Variants in DIAPH3 observed in about 807,000 individuals in gnomAD.
The protein encoded by DIAPH3 is diaphanous related formin 3.
A neutral mutation model predicts 144.3 loss-of-function variants in DIAPH3; 117 were observed. That is an observed-to-expected ratio of 0.81 (90% confidence interval 0.70 to 0.95). The LOEUF (loss-of-function observed/expected upper bound fraction) is 0.95, where lower values mean the gene tolerates loss of function less well. Among genes scored for constraint, DIAPH3 ranks in the 40% least tolerant of loss-of-function variants. The pLI, the probability that DIAPH3 is intolerant of heterozygous loss-of-function variation, is 0.00. For synonymous variants in DIAPH3, 519 were observed against 488.9 expected (o/e 1.06, Z -0.81); for missense variants, 1,421 against 1,412.7 (o/e 1.01, Z -0.09).
At chr13:59,880,995 A>AAAAAG (rs2044993852) in intron 20 of DIAPH3, among the ~76,000 whole-genome samples, 3 of 150,610 alleles carry the variant, frequency 2.0e-5, no homozygotes, top group Admixed American at 2.0e-4. Context: ...AAAAAAAAAA[A>AAAAAG]AAGAAGAAGA....
chr13:60,092,184 A>G (rs1395421364), intron 4 of DIAPH3, among the ~76,000 whole-genome samples: 2 of 152,090 alleles, frequency 1.3e-5, no homozygotes, highest in African/African-American at 4.8e-5. Context: ...ATTGAGAATC[A>G]AAGAGGTAAA....
In DIAPH3 at chr13:60,083,992, TGATAGATAGATAGACA is replaced by T. The variant is rs758915044; in HGVS notation, c.495+9620_495+9635del. On this transcript the variant is annotated intron_variant, in intron 4 of 27. Coordinates refer to ENST00000400324, the MANE Select transcript of DIAPH3 (RefSeq NM_001042517.2). ...TATAGTCTGAGGATGCACTTTTGAG[TGATAGATAGATAGACA>T]GATAGATAGATAGATAGATAGATAG... is the stretch of plus-strand genomic sequence containing the variant. Among the ~76,000 whole-genome samples the T allele has an allele frequency of 1.8e-3, 265 of 143,590 alleles. 1 individual carries two copies. Among genetic ancestry groups the T allele is most frequent in the African/African-American group, 5.8e-3 (222 of 38,422 alleles). The allele number at this position is 143,590 out of a possible 152,430, so 94.2% of individuals were successfully genotyped here.
intron 4 of DIAPH3, among the ~76,000 whole-genome samples, chr13:60,062,587 A>T (rs564690288): frequency 6.6e-6 from 1 of 152,212 alleles, no homozygotes; most frequent in Non-Finnish European, 1.5e-5. Context: ...AGAAAAGGTG[A>T]ACATGTCAGA....
At chr13:59,788,782 G>A (rs574356665) in intron 25 of DIAPH3, among the ~76,000 whole-genome samples, 1 of 152,264 alleles carries the variant, frequency 6.6e-6, no homozygotes, top group South Asian at 2.1e-4. Flanking sequence ...GACATCGAAT[G>A]AAGACCTTTC....
At chr13:59,751,539 A>T (rs1339139138) in intron 27 of DIAPH3, among the ~76,000 whole-genome samples, 1 of 152,202 alleles carries the variant, frequency 6.6e-6, no homozygotes, top group African/African-American at 2.4e-5. Context: ...TTTTTTCTTC[A>T]ATCAACTGCT....
At chr13:59,805,710 G>A (rs1004985449) in intron 25 of DIAPH3, among the ~76,000 whole-genome samples, 4 of 151,752 alleles carry the variant, frequency 2.6e-5, no homozygotes, top group Non-Finnish European at 5.9e-5. Flanking sequence ...AAACAAAAAC[G>A]AAAAACATCA....
intron 12 of DIAPH3, among the ~76,000 whole-genome samples, chr13:59,984,671 C>A (rs2051273573): frequency 6.8e-6 from 1 of 146,322 alleles, no homozygotes; most frequent in Non-Finnish European, 1.5e-5. Flanking sequence ...ATACAAACTA[C>A]CATCAGAGAA....
intron 3 of DIAPH3, among the ~76,000 whole-genome samples, chr13:60,099,693 G>GC (rs1416595046): frequency 6.6e-6 from 1 of 151,894 alleles, no homozygotes; most frequent in African/African-American, 2.4e-5. Context: ...AGTTGCAACA[G>GC]CAAAAAAAAT....
intron 27 of DIAPH3, among the ~76,000 whole-genome samples, chr13:59,753,253 C>T (rs184549072): frequency 2.7e-4 from 41 of 152,226 alleles, no homozygotes; most frequent in African/African-American, 8.9e-4. Context: ...GAAAACTTTT[C>T]AAGAAATTCG....
intron 4 of DIAPH3, among the ~76,000 whole-genome samples, chr13:60,071,609 A>G (rs1255809386): frequency 2.6e-5 from 4 of 152,134 alleles, no homozygotes; most frequent in Non-Finnish European, 4.4e-5. Flanking sequence ...TTCCAAACCT[A>G]TGAGCCCTTC....
intron 27 of DIAPH3, among the ~76,000 whole-genome samples, chr13:59,758,931 C>T (rs992883754): frequency 6.6e-6 from 1 of 151,322 alleles, no homozygotes; most frequent in African/African-American, 2.4e-5. Flanking sequence ...GGGCGCACAC[C>T]ACCAGAACTG....
chr13:60,127,117 AAC>A (rs1023174237), intron 2 of DIAPH3, among the ~76,000 whole-genome samples: 2 of 152,134 alleles, frequency 1.3e-5, no homozygotes, highest in African/African-American at 4.8e-5. Context: ...CACAGAGAAA[AAC>A]ACAGAAAACA....
At chr13:59,822,926 T>G (rs1342942926) in intron 24 of DIAPH3, among the ~76,000 whole-genome samples, 1 of 152,174 alleles carries the variant, frequency 6.6e-6, no homozygotes, top group Non-Finnish European at 1.5e-5. Flanking sequence ...TGTGGTATTC[T>G]AGGTTGTCAC....
intron 24 of DIAPH3, among the ~76,000 whole-genome samples, chr13:59,823,852 G>A (rs1392907394): frequency 2.6e-5 from 4 of 152,048 alleles, no homozygotes; most frequent in African/African-American, 9.7e-5. Context: ...CCCTCTGACT[G>A]GATGATTTCA....
At chr13:59,996,662 G>A (rs1248832670) in intron 9 of DIAPH3, among the ~76,000 whole-genome samples, 2 of 151,982 alleles carry the variant, frequency 1.3e-5, no homozygotes, top group Non-Finnish European at 2.9e-5. Context: ...CATAAAGTAG[G>A]AAGGTAAAGA....
At chr13:59,686,300 A>T (rs770191176) in intron 27 of DIAPH3, among the ~76,000 whole-genome samples, 1 of 152,078 alleles carries the variant, frequency 6.6e-6, no homozygotes. Flanking sequence ...CTAAGCTGTA[A>T]ATTTGCCAGT....
intron 27 of DIAPH3, among the ~76,000 whole-genome samples, chr13:59,681,634 C>T (rs934475509): frequency 6.6e-6 from 1 of 151,526 alleles, no homozygotes; most frequent in Admixed American, 6.6e-5. Flanking sequence ...CTATATTTTA[C>T]AAGACTCATT....
intron 27 of DIAPH3, among the ~76,000 whole-genome samples, chr13:59,740,331 G>T (rs938085275): frequency 2.6e-5 from 4 of 152,168 alleles, no homozygotes; most frequent in Admixed American, 6.5e-5. Flanking sequence ...GTACACTAAT[G>T]ATTTCATCTC....
chr13:59,958,714 A>G (rs974713042), intron 17 of DIAPH3, among the ~76,000 whole-genome samples: 5 of 151,982 alleles, frequency 3.3e-5, no homozygotes, highest in Admixed American at 1.3e-4. Flanking sequence ...TTAATTAAAT[A>G]TAATATTTTG....
Sources: allele counts gnomAD v4.1 joint callset (sites outside exome capture counted in the v4.1 genomes callset), GRCh38; gene constraint gnomAD v4.1.1; transcripts MANE v1.5; gene names NCBI Gene and HGNC (gene_info 2026-07-23, HGNC 2026-07-21).